Variants in EPS8 observed in about 807,000 individuals in gnomAD.
EPS8 encodes the protein epidermal growth factor receptor kinase substrate 8.
In EPS8, 42 loss-of-function variants were observed where a neutral mutation model predicts 103.8. That is an observed-to-expected ratio of 0.40 (90% confidence interval 0.32 to 0.52). EPS8 has a LOEUF of 0.52. Ranked by LOEUF, EPS8 falls within the 20% of genes least tolerant of loss-of-function variation. The pLI is 0.40. For synonymous variants in EPS8, 344 were observed against 344.6 expected, an observed-to-expected ratio of 1.00 and a Z score of 0.02; for missense variants, 969 against 1,005.1, an observed-to-expected ratio of 0.96 and a Z score of 0.49.
intron 15 of EPS8, among the ~76,000 whole-genome samples, chr12:15,643,316 T>A (rs1945263709): frequency 6.6e-6 from 1 of 152,200 alleles, no homozygotes. Context: ...CAGAAGTGTT[T>A]ACCTGAAGTG....
chr12:15,655,365 A>T (rs1945489248), intron 12 of EPS8, among the ~76,000 whole-genome samples: 1 of 151,956 alleles, frequency 6.6e-6, no homozygotes, highest in Admixed American at 6.6e-5. Context: ...ACACTATTAC[A>T]CTGTAATTTA....
chr12:15,687,153 A>T (rs1175515798), intron 1 of EPS8, among the ~76,000 whole-genome samples: 2 of 152,134 alleles, frequency 1.3e-5, no homozygotes, highest in Non-Finnish European at 2.9e-5. Flanking sequence ...CTCTTAAATC[A>T]TCACACATTT....
chr12:15,747,056 C>G lies in EPS8; in HGVS notation c.-22+42105G>C, dbSNP rs115092176. ...CTCAACAGTCAATACATATTTTGTA[C>G]GCAGGAAGTGTTCAGAGAAAATAAA... On this transcript the variant is annotated intron_variant, in intron 1 of 20. Coordinates refer to ENST00000281172, the MANE Select transcript of EPS8 (RefSeq NM_004447.6). The surrounding 1 kb of genome is among the most constrained non-coding windows in gnomAD (Gnocchi z 4.4). 1.3e-5 allele frequency among the ~76,000 whole-genome samples: 2 copies of G among 152,224 alleles called. No individual in the cohort carries two copies. The highest frequency in any genetic ancestry group is 2.1e-4 in the South Asian group (1 of 4,822).
chr12:15,768,574 A>G (rs771488948), intron 1 of EPS8, among the ~76,000 whole-genome samples: 28 of 152,054 alleles, frequency 1.8e-4, no homozygotes, highest in Non-Finnish European at 8.8e-5. Flanking sequence ...GGTTCTTGAT[A>G]CATTAAGTCA....
intron 1 of EPS8, among the ~76,000 whole-genome samples, chr12:15,687,699 A>C (rs1278607009): frequency 6.6e-6 from 1 of 152,212 alleles, no homozygotes; most frequent in African/African-American, 2.4e-5. Context: ...TAAAGAAAAG[A>C]GGCATAGACA....
Position 15,714,754 on chromosome 12 carries a change from T to G in EPS8, c.-21-31782A>C, listed in dbSNP as rs1160222487. 2.6e-5 allele frequency among the ~76,000 whole-genome samples: 4 copies of G among 152,198 alleles called. No homozygotes were observed. Among genetic ancestry groups the G allele is most frequent in the African/African-American group, 9.7e-5 (4 of 41,432 alleles). On this transcript the variant is annotated intron_variant, in intron 1 of 20. Coordinates refer to ENST00000281172, the MANE Select transcript of EPS8 (RefSeq NM_004447.6). The surrounding 1 kb of genome is among the most constrained non-coding windows in gnomAD (Gnocchi z 4.1). Reference sequence around the variant, plus strand: ...AAAATACATTCTCTGTATAGTGCACTCAGAGTTTTCATCAGGTTTCTATAA... The same window carrying G: ...AAAATACATTCTCTGTATAGTGCACGCAGAGTTTTCATCAGGTTTCTATAA...
intron 1 of EPS8, among the ~76,000 whole-genome samples, chr12:15,750,718 C>G (rs1439834486): frequency 2.0e-5 from 3 of 152,118 alleles, no homozygotes; most frequent in Non-Finnish European, 4.4e-5. Flanking sequence ...GAAACCATAG[C>G]TATTATTTAT....
chr12:15,737,429 T>C (rs919026285), intron 1 of EPS8, among the ~76,000 whole-genome samples: 4 of 152,106 alleles, frequency 2.6e-5, no homozygotes, highest in Admixed American at 6.5e-5. Context: ...CCATCCCTCC[T>C]CCTTTCTACA....
At chr12:15,703,847 GTTTTTTTTTTTTT>G (rs58735135) in intron 1 of EPS8, among the ~76,000 whole-genome samples, 1 of 61,234 alleles carries the variant, frequency 1.6e-5, no homozygotes, top group Non-Finnish European at 2.8e-5. Context: ...CTATGTATTT[GTTTTTTTTTTTTT>G]TTTTTTTTTT....
At chr12:15,638,188 T>C (rs1056867557) in intron 17 of EPS8, among the ~76,000 whole-genome samples, 2 of 152,064 alleles carry the variant, frequency 1.3e-5, no homozygotes, top group Non-Finnish European at 2.9e-5. Flanking sequence ...TATGAAACAG[T>C]AGATATGGGT....
At chr12:15,661,946 A>G (rs1591830509) in intron 9 of EPS8, 80 bp downstream of exon 9, 1 of 1,027,658 alleles carries the variant, frequency 9.7e-7, no homozygotes, top group East Asian at 2.4e-5. Flanking sequence ...CTCTATTTAA[A>G]TCAGCTTCAT....
chr12:15,631,465 C>T lies in EPS8; in HGVS notation c.2021G>A (p.Arg674Lys). The change falls in exon 18 of 21, where the codon AGA becomes AAA. Residue 674 changes from arginine (R) to lysine (K), a missense_variant. By Grantham distance (26) the Arg-to-Lys change is conservative (BLOSUM62 2). Coordinates refer to ENST00000281172, the MANE Select transcript of EPS8 (RefSeq NM_004447.6). ...SGGSIVRDSQ[R>K]HKQLPVDRRK... ...ACGGTCCACCGGAAGTTGTTTGTGTCTCTGGCTGTCTCGCACGATACTGCC... is the reference window on the plus strand; with the variant it reads ...ACGGTCCACCGGAAGTTGTTTGTGTTTCTGGCTGTCTCGCACGATACTGCC... 2 of 1,614,024 alleles carry T rather than the reference C, an allele frequency of 1.2e-6. No individual in the cohort carries two copies. Among genetic ancestry groups the T allele is most frequent in the Non-Finnish European group, 1.7e-6 (2 of 1,179,950 alleles).
At chr12:15,668,463 A>G (rs1945755338) in intron 6 of EPS8, among the ~76,000 whole-genome samples, 1 of 152,240 alleles carries the variant, frequency 6.6e-6, no homozygotes, top group African/African-American at 2.4e-5. Context: ...TTAACACAAA[A>G]TGATTTCTCT....
intron 1 of EPS8, chr12:15,683,931 C>G (rs556647511): frequency 5.1e-4 from 78 of 152,214 alleles, no homozygotes; most frequent in African/African-American, 1.7e-3. Context: ...GCAGGACATA[C>G]CCCAGCTTTA....
chr12:15,663,920 CAAAAA>C (rs10590703), intron 8 of EPS8, among the ~76,000 whole-genome samples: 7 of 9,036 alleles, frequency 7.7e-4, no homozygotes, highest in African/African-American at 5.4e-4. Context: ...CACTCCATCT[CAAAAA>C]AAAAAAAAAA....
chr12:15,720,960 T>G (rs964549310), intron 1 of EPS8, among the ~76,000 whole-genome samples: 1 of 152,234 alleles, frequency 6.6e-6, no homozygotes, highest in African/African-American at 2.4e-5. Context: ...AATCTCTGTG[T>G]GCTTTTATTT....
At chr12:15,718,462 T>C (rs1487029560) in intron 1 of EPS8, among the ~76,000 whole-genome samples, 1 of 152,236 alleles carries the variant, frequency 6.6e-6, no homozygotes. Flanking sequence ...CTCCCATTTC[T>C]GCTGAAAATT....
intron 12 of EPS8, among the ~76,000 whole-genome samples, chr12:15,657,430 T>A (rs2135805202): frequency 6.6e-6 from 1 of 152,328 alleles, no homozygotes; most frequent in African/African-American, 2.4e-5. Flanking sequence ...CCTCTATTTT[T>A]CTGCATAGCA....
chr12:15,662,999 C>CAAAAAAAAAAAAAAAA (rs5796644), intron 8 of EPS8, among the ~76,000 whole-genome samples: 1 of 128,698 alleles, frequency 7.8e-6, no homozygotes, highest in Non-Finnish European at 1.7e-5. Context: ...CACTTGCCAA[C>CAAAAAAAAAAAAAAAA]AAAAAAAAAA....
Sources: gnomAD v4.1 joint callset for allele counts (sites outside exome capture counted in the v4.1 genomes callset) on GRCh38, gnomAD v4.1.1 for gene constraint, Gnocchi (gnomAD v3.1) non-coding constraint, MANE v1.5 for transcripts, NCBI Gene and HGNC (gene_info 2026-07-23, HGNC 2026-07-21) for gene names.